Variants in ARHGAP42 observed in about 807,000 individuals in gnomAD.
ARHGAP42 encodes rho GTPase-activating protein 42.
A neutral mutation model predicts 125.0 loss-of-function variants in ARHGAP42; 63 were observed. The observed-to-expected ratio is 0.50, with a 90% CI of 0.41 to 0.62. The LOEUF (loss-of-function observed/expected upper bound fraction) is 0.62. Ranked by LOEUF, ARHGAP42 falls within the 20% of genes least tolerant of loss-of-function variation. The pLI is 0.00. For synonymous variants in ARHGAP42, 339 were observed against 351.0 expected, an observed-to-expected ratio of 0.97 and a Z score of 0.38; for missense variants, 766 against 1,024.2, an observed-to-expected ratio of 0.75 and a Z score of 3.44.
intron 1 of ARHGAP42, among the ~76,000 whole-genome samples, chr11:100,696,751 A>T (rs1030039505): frequency 6.6e-6 from 1 of 152,006 alleles, no homozygotes; most frequent in Non-Finnish European, 1.5e-5. Flanking sequence ...ATCATAGTGC[A>T]CTACCGCCTC....
intron 22 of ARHGAP42, among the ~76,000 whole-genome samples, chr11:100,983,549 T>TCA (rs1202212740): frequency 6.6e-6 from 1 of 152,190 alleles, no homozygotes; most frequent in East Asian, 1.9e-4. Context: ...GTAGGGGAGT[T>TCA]CACTGTATTG....
chr11:100,852,916 C>T (rs1227734523), intron 3 of ARHGAP42, among the ~76,000 whole-genome samples: 6 of 152,142 alleles, frequency 3.9e-5, no homozygotes, highest in East Asian at 1.9e-4. Context: ...CCAGTATCCC[C>T]GAAGAACATT....
intron 1 of ARHGAP42, among the ~76,000 whole-genome samples, chr11:100,694,618 T>C (rs1473268923): frequency 6.6e-6 from 1 of 152,210 alleles, no homozygotes; most frequent in Non-Finnish European, 1.5e-5. Context: ...GTCTTCCTTT[T>C]CCTCTAGCCT....
chr11:100,834,792 A>C (rs1005201687), intron 3 of ARHGAP42, among the ~76,000 whole-genome samples: 9 of 151,462 alleles, frequency 5.9e-5, no homozygotes, highest in Non-Finnish European at 1.3e-4. Flanking sequence ...GAATGAGGCC[A>C]TAATCCATTA....
At chr11:100,771,891 C>A (rs187912808) in intron 2 of ARHGAP42, among the ~76,000 whole-genome samples, 1 of 152,064 alleles carries the variant, frequency 6.6e-6, no homozygotes, top group Non-Finnish European at 1.5e-5. Context: ...TGAGCCACTG[C>A]GCCCGGCTGG....
chr11:100,987,109 C>G (rs1250822718), intron 22 of ARHGAP42, among the ~76,000 whole-genome samples: 1 of 152,132 alleles, frequency 6.6e-6, no homozygotes, highest in Non-Finnish European at 1.5e-5. Flanking sequence ...GATCTCACCT[C>G]AGATAGTCTG....
At chr11:100,916,335 T>C (rs1867063730) in intron 5 of ARHGAP42, among the ~76,000 whole-genome samples, 1 of 152,212 alleles carries the variant, frequency 6.6e-6, no homozygotes, top group Non-Finnish European at 1.5e-5. Context: ...CCAAATTAAA[T>C]GTCAAACCAT....
At chr11:100,888,313 G>A (rs1231002705) in intron 4 of ARHGAP42, among the ~76,000 whole-genome samples, 1 of 152,004 alleles carries the variant, frequency 6.6e-6, no homozygotes, top group Non-Finnish European at 1.5e-5. Flanking sequence ...ACTTGTCAAT[G>A]AGTGATAGTT....
intron 1 of ARHGAP42, among the ~76,000 whole-genome samples, chr11:100,752,568 C>T (rs896325097): frequency 1.9e-4 from 29 of 152,282 alleles, no homozygotes; most frequent in African/African-American, 6.5e-4. Flanking sequence ...GTCTAGCCAC[C>T]CAGTGAGTCT....
At chr11:100,723,233 A>G (rs1861797207) in intron 1 of ARHGAP42, among the ~76,000 whole-genome samples, 1 of 152,122 alleles carries the variant, frequency 6.6e-6, no homozygotes, top group African/African-American at 2.4e-5. Flanking sequence ...CTCTGACTTT[A>G]TTCTTCTTCA....
chr11:100,960,199 C>T (rs1857917627), intron 13 of ARHGAP42, among the ~76,000 whole-genome samples: 1 of 150,470 alleles, frequency 6.6e-6, no homozygotes, highest in Admixed American at 6.6e-5. Flanking sequence ...ATTGAGAAGC[C>T]CTGCATTATT....
intron 4 of ARHGAP42, among the ~76,000 whole-genome samples, chr11:100,862,908 A>G (rs557880644): frequency 6.6e-6 from 1 of 151,892 alleles, no homozygotes; most frequent in African/African-American, 2.4e-5. Context: ...GGGGTGGTGC[A>G]TGCCTGTAAT....
intron 2 of ARHGAP42, among the ~76,000 whole-genome samples, chr11:100,784,816 C>T (rs1393634787): frequency 6.6e-6 from 1 of 152,160 alleles, no homozygotes; most frequent in Non-Finnish European, 1.5e-5. Context: ...TTTAGTGCTA[C>T]AAGTCATTAG....
chr11:100,687,569 G>T lies in ARHGAP42; in HGVS notation c.-110G>T. 1 of 874,922 alleles carries T rather than the reference G, an allele frequency of 1.1e-6. No homozygotes were observed. The highest frequency in any genetic ancestry group is 1.5e-6 in the Non-Finnish European group (1 of 687,030). The allele number at this position is 874,922 out of a possible 1,614,324, so 54.2% of individuals were successfully genotyped here. On this transcript the variant is annotated 5_prime_UTR_variant, in exon 1 of 24. Transcript: ENST00000298815. ...GCGCAATCAGTCCCCTCGCGTCCCGGCGCCTTCCCCGCGATCGCGCGACCC... is the reference window on the plus strand; with the variant it reads ...GCGCAATCAGTCCCCTCGCGTCCCGTCGCCTTCCCCGCGATCGCGCGACCC...
At chr11:100,828,902 T>A (rs1276815657) in intron 3 of ARHGAP42, among the ~76,000 whole-genome samples, 2 of 152,176 alleles carry the variant, frequency 1.3e-5, no homozygotes, top group African/African-American at 4.8e-5. Context: ...AGTTGCCACA[T>A]GCCCAGGATG....
At chr11:100,813,107 T>C (rs1392841712) in intron 3 of ARHGAP42, among the ~76,000 whole-genome samples, 2 of 151,900 alleles carry the variant, frequency 1.3e-5, no homozygotes, top group Non-Finnish European at 2.9e-5. Context: ...GAGGATTTGC[T>C]CATTGATCAA....
chr11:100,922,189 G>A (rs1867293220), intron 6 of ARHGAP42, among the ~76,000 whole-genome samples: 2 of 152,086 alleles, frequency 1.3e-5, no homozygotes, highest in South Asian at 2.1e-4. Context: ...AGACGGAGAG[G>A]GAAAACCAAC....
At chr11:100,895,025 T>G (rs1866315833) in intron 4 of ARHGAP42, among the ~76,000 whole-genome samples, 1 of 152,196 alleles carries the variant, frequency 6.6e-6, no homozygotes, top group South Asian at 2.1e-4. Context: ...CTGTTTGTGC[T>G]TTAAGTAACC....
intron 14 of ARHGAP42, 41 bp from the exon 15 acceptor site, chr11:100,961,643 T>C: frequency 6.6e-7 from 1 of 1,518,886 alleles, no homozygotes; most frequent in Non-Finnish European, 8.9e-7. Flanking sequence ...AAGAAATATT[T>C]TGAACTGCAC....
Sources: gnomAD v4.1 joint callset for allele counts (sites outside exome capture counted in the v4.1 genomes callset) on GRCh38, gnomAD v4.1.1 for gene constraint, MANE v1.5 for transcripts, NCBI Gene and HGNC (gene_info 2026-07-23, HGNC 2026-07-21) for gene names.